GRID2: variants seen among roughly 807,000 people sequenced by gnomAD.
GRID2 encodes glutamate ionotropic receptor delta type subunit 2, also known as glutamate receptor ionotropic, delta-2.
In GRID2, 33 loss-of-function variants were observed where a neutral mutation model predicts 114.8. That is an observed-to-expected ratio of 0.29 (90% CI 0.22 to 0.38). GRID2 has a LOEUF of 0.38. Ranked by LOEUF, GRID2 falls within the 10% of genes least tolerant of loss-of-function variation. The pLI is 1.00. For missense variants in GRID2, 1,184 were observed against 1,257.7 expected (o/e 0.94, Z 0.89); for synonymous variants, 505 against 449.9 (o/e 1.12, Z -1.55).
At chr4:93,674,283 C>A (rs1432211563) in intron 14 of GRID2, among the ~76,000 whole-genome samples, 3 of 152,098 alleles carry the variant, frequency 2.0e-5, no homozygotes, top group South Asian at 2.1e-4. Flanking sequence ...AGTTAAAAAT[C>A]CATCACTACT....
At chr4:93,478,490 A>G (rs1215257416) in intron 11 of GRID2, among the ~76,000 whole-genome samples, 3 of 151,794 alleles carry the variant, frequency 2.0e-5, no homozygotes, top group Non-Finnish European at 4.4e-5. Flanking sequence ...TGCTCAGAAC[A>G]TTCTTATTTT....
intron 2 of GRID2, among the ~76,000 whole-genome samples, chr4:92,894,038 C>T (rs1480547116): frequency 5.9e-5 from 9 of 152,044 alleles, no homozygotes; most frequent in African/African-American, 2.2e-4. Flanking sequence ...TAAATAACTA[C>T]AAGCTAGCAA....
At chr4:93,722,184 A>AG (rs1729438229) in intron 14 of GRID2, among the ~76,000 whole-genome samples, 1 of 151,958 alleles carries the variant, frequency 6.6e-6, no homozygotes, top group East Asian at 1.9e-4. Flanking sequence ...CCAAAGTGCT[A>AG]GGATTACAGG....
intron 4 of GRID2, among the ~76,000 whole-genome samples, chr4:93,126,708 C>T (rs1349008830): frequency 2.8e-5 from 4 of 144,498 alleles, no homozygotes; most frequent in African/African-American, 7.8e-5. Flanking sequence ...CGCCATTCTC[C>T]TGCCTCAGCC....
chr4:93,046,102 G>A (rs1361212202), intron 2 of GRID2, among the ~76,000 whole-genome samples: 2 of 152,082 alleles, frequency 1.3e-5, no homozygotes, highest in African/African-American at 4.8e-5. Context: ...AATATTTGTT[G>A]TGTATTTGAA....
At chr4:92,330,597 G>A (rs17019304) in intron 1 of GRID2, among the ~76,000 whole-genome samples, 3,992 of 152,134 alleles carry the variant, frequency 0.026, 185 homozygotes, top group African/African-American at 0.091. Context: ...AATTGGAAAC[G>A]TCTTATTCAT....
intron 1 of GRID2, among the ~76,000 whole-genome samples, chr4:92,400,340 A>G (rs558301646): frequency 1.3e-5 from 2 of 152,300 alleles, no homozygotes; most frequent in African/African-American, 2.4e-5. Context: ...GACATTTAAC[A>G]CAAATAGAAT....
chr4:92,592,552 G>A (rs1728753386), intron 2 of GRID2, among the ~76,000 whole-genome samples: 2 of 151,818 alleles, frequency 1.3e-5, no homozygotes, highest in Admixed American at 6.6e-5. Context: ...TCTTGCAATA[G>A]TGACGTGACG....
chr4:93,440,106 C>T (rs1721486360), intron 10 of GRID2, among the ~76,000 whole-genome samples: 1 of 152,006 alleles, frequency 6.6e-6, no homozygotes, highest in Non-Finnish European at 1.5e-5. Flanking sequence ...AGGAGCAACG[C>T]TTGTGAATGA....
chr4:93,046,750 A>G (rs1000725685), intron 2 of GRID2, among the ~76,000 whole-genome samples: 2 of 151,926 alleles, frequency 1.3e-5, no homozygotes, highest in African/African-American at 4.8e-5. Flanking sequence ...TTTCATACTA[A>G]GTTGCCATTT....
chr4:93,533,244 C>G (rs1475534048), intron 13 of GRID2, among the ~76,000 whole-genome samples: 1 of 142,446 alleles, frequency 7.0e-6, no homozygotes, highest in Non-Finnish European at 1.5e-5. Context: ...CTTTCTTTCT[C>G]TCTTCCTTCC....
chr4:92,810,127 TTTGA>T (rs1288308480), intron 2 of GRID2, among the ~76,000 whole-genome samples: 17 of 152,164 alleles, frequency 1.1e-4, no homozygotes, highest in Admixed American at 2.6e-4. Flanking sequence ...TCATCTAATA[TTTGA>T]TTGAACAATA....
intron 2 of GRID2, among the ~76,000 whole-genome samples, chr4:92,881,031 T>G (rs889012229): frequency 1.3e-5 from 2 of 152,030 alleles, no homozygotes; most frequent in African/African-American, 4.8e-5. Flanking sequence ...GCCTCCCGAG[T>G]AGCTGAGATT....
At position 92,768,297 on chromosome 4, in the gene GRID2, T is replaced by C. The variant is rs550591047; in HGVS notation, c.244+178011T>C. ...AAGAACATATACTGTTTATAATTAT[T>C]TTTTACCTTTGAAAAAAAATTTTTT... On this transcript the variant is annotated intron_variant, in intron 2 of 15. Transcript: ENST00000282020. 5.3e-5 allele frequency among the ~76,000 whole-genome samples: 8 copies of C among 152,312 alleles called. 1 individual carries two copies. In the South Asian group the frequency reaches 8.3e-4, roughly 16 times the overall value.
At chr4:92,523,158 G>A (rs1724871671) in intron 1 of GRID2, among the ~76,000 whole-genome samples, 1 of 151,974 alleles carries the variant, frequency 6.6e-6, no homozygotes, top group Non-Finnish European at 1.5e-5. Flanking sequence ...AATCATCATG[G>A]CCATGATTGT....
chr4:92,945,818 C>T (rs1242705181), intron 2 of GRID2, among the ~76,000 whole-genome samples: 1 of 152,062 alleles, frequency 6.6e-6, no homozygotes, highest in African/African-American at 2.4e-5. Flanking sequence ...TTTTTACTGT[C>T]TGTAATTTTT....
At chr4:93,670,205 T>C (rs1724289638) in intron 14 of GRID2, among the ~76,000 whole-genome samples, 1 of 152,188 alleles carries the variant, frequency 6.6e-6, no homozygotes, top group Non-Finnish European at 1.5e-5. Context: ...ATAATATGGT[T>C]TTTTACATCT....
intron 2 of GRID2, among the ~76,000 whole-genome samples, chr4:93,077,408 A>G (rs969924243): frequency 5.9e-5 from 9 of 152,332 alleles, no homozygotes; most frequent in African/African-American, 2.2e-4. Context: ...TTCTCAAGAT[A>G]TTATTCTTAC....
chr4:93,351,983 C>T (rs1485586914), intron 8 of GRID2, among the ~76,000 whole-genome samples: 1 of 151,996 alleles, frequency 6.6e-6, no homozygotes, highest in African/African-American at 2.4e-5. Context: ...TCCTCTATGA[C>T]TCACTCTAAC....
Sources: allele counts gnomAD v4.1 joint callset (sites outside exome capture counted in the v4.1 genomes callset), GRCh38; gene constraint gnomAD v4.1.1; transcripts MANE v1.5; gene names NCBI Gene and HGNC (gene_info 2026-07-23, HGNC 2026-07-21).